FKBP6: variants seen among roughly 807,000 people sequenced by gnomAD.
FKBP6 encodes the protein FKBP prolyl isomerase family member 6 (inactive).
In FKBP6, 29 loss-of-function variants were observed where a neutral mutation model predicts 41.7. That is an observed-to-expected ratio of 0.70 (90% CI 0.52 to 0.95). FKBP6 has a LOEUF of 0.95. FKBP6 is among the 40% of genes least tolerant of loss of function. The pLI, the probability that FKBP6 is intolerant of heterozygous loss-of-function variation, is 0.00. For missense variants in FKBP6, 338 were observed against 408.7 expected (o/e 0.83, Z 1.49); for synonymous variants, 130 against 165.1 (o/e 0.79, Z 1.63).
intron 8 of FKBP6, among the ~76,000 whole-genome samples, chr7:73,356,632 CT>C (rs1805638923): frequency 2.0e-5 from 3 of 152,324 alleles, no homozygotes; most frequent in Admixed American, 2.0e-4. Context: ...AATTGTTTCT[CT>C]ATAACCAAAC....
intron 8 of FKBP6, 103 bp downstream of exon 8, chr7:73,343,002 G>A (rs545303059): frequency 9.7e-6 from 8 of 825,490 alleles, no homozygotes; most frequent in Admixed American, 7.2e-5. Flanking sequence ...GAGGGTGGAC[G>A]AGGGGTAGAC....
chr7:73,336,110 G>T (rs920462717), intron 5 of FKBP6, among the ~76,000 whole-genome samples: 13 of 152,102 alleles, frequency 8.5e-5, no homozygotes, highest in Admixed American at 7.2e-4. Context: ...CTGAATGTTT[G>T]TGTCTCCCCA....
In FKBP6 at chr7:73,328,179, C is replaced by G; in HGVS notation, c.-250C>G. On this transcript the variant is annotated 5_prime_UTR_variant, in exon 1 of 9. Coordinates refer to ENST00000252037, the MANE Select transcript of FKBP6 (RefSeq NM_003602.5). ...GTGTCCCATCATGTTTCGTGCGCTC[C>G]CATTACGGATCATACCTCGCACCTC... 6.5e-7 allele frequency: 1 copy of G among 1,542,244 alleles called. No individual in the cohort carries two copies.
intron 8 of FKBP6, among the ~76,000 whole-genome samples, chr7:73,349,123 A>T (rs2115946653): frequency 6.6e-6 from 1 of 152,156 alleles, no homozygotes; most frequent in African/African-American, 2.4e-5. Flanking sequence ...AAATTTAAAA[A>T]GGGTGGCCAG....
intron 8 of FKBP6, among the ~76,000 whole-genome samples, chr7:73,346,845 T>C (rs1402528432): frequency 6.6e-6 from 1 of 152,176 alleles, no homozygotes; most frequent in Non-Finnish European, 1.5e-5. Flanking sequence ...CCATAGTGCC[T>C]GAGGGGCTGA....
At chr7:73,331,906 C>A (rs1583798380) in intron 5 of FKBP6, 130 bp downstream of exon 5, 1 of 934,632 alleles carries the variant, frequency 1.1e-6, no homozygotes, top group African/African-American at 1.6e-5. Context: ...CTCTGTCGCC[C>A]AGGCTGGAGT....
intron 8 of FKBP6, among the ~76,000 whole-genome samples, chr7:73,348,339 A>G (rs1208992638): frequency 6.6e-6 from 1 of 152,172 alleles, no homozygotes; most frequent in African/African-American, 2.4e-5. Context: ...CATAACGAAT[A>G]ATACTAAGAT....
intron 8 of FKBP6, among the ~76,000 whole-genome samples, chr7:73,352,606 A>G (rs1805521626): frequency 6.6e-6 from 1 of 152,142 alleles, no homozygotes; most frequent in African/African-American, 2.4e-5. Flanking sequence ...CATACTTTTG[A>G]TGCTCCCCTA....
intron 4 of FKBP6, 123 bp downstream of exon 4, chr7:73,330,475 C>T (rs543648128): frequency 3.9e-6 from 3 of 769,290 alleles, no homozygotes; most frequent in South Asian, 2.9e-5. Context: ...CCCGCGGCTC[C>T]TGTGCGGTGG....
At chr7:73,335,082 C>T (rs1554548313) in intron 5 of FKBP6, among the ~76,000 whole-genome samples, 1 of 148,608 alleles carries the variant, frequency 6.7e-6, no homozygotes. Flanking sequence ...CTTTGCCTAG[C>T]TGCAAAGAAG....
chr7:73,357,553 C>T (rs1028456248), intron 8 of FKBP6, among the ~76,000 whole-genome samples: 2 of 148,356 alleles, frequency 1.3e-5, no homozygotes, highest in Admixed American at 6.7e-5. Context: ...AGCCAATGCG[C>T]CTGGCACCAC....
intron 8 of FKBP6, among the ~76,000 whole-genome samples, chr7:73,357,139 C>T (rs1179248525): frequency 6.6e-6 from 1 of 152,000 alleles, no homozygotes; most frequent in African/African-American, 2.4e-5. Context: ...AGAACAGTAG[C>T]GATGGGTGTG....
At chr7:73,330,110 C>T in intron 3 of FKBP6, 40 bp from the exon 4 acceptor site, 2 of 1,497,992 alleles carry the variant, frequency 1.3e-6, no homozygotes, top group Non-Finnish European at 1.9e-6. Flanking sequence ...GAGCAGGATA[C>T]TGAGCAAGCT....
intron 7 of FKBP6, 122 bp downstream of exon 7, chr7:73,341,504 C>T (rs1318388729): frequency 1.1e-5 from 8 of 750,690 alleles, no homozygotes; most frequent in African/African-American, 1.7e-5. Context: ...GAGGCCGCCC[C>T]CTCTACAGCT....
At chr7:73,356,550 G>A (rs912737093) in intron 8 of FKBP6, among the ~76,000 whole-genome samples, 1 of 152,168 alleles carries the variant, frequency 6.6e-6, no homozygotes, top group African/African-American at 2.4e-5. Flanking sequence ...CTCATTACTA[G>A]CATTAGCAGT....
chr7:73,336,991 T>C (rs951937909), intron 5 of FKBP6: 2 of 334,208 alleles, frequency 6.0e-6, no homozygotes, highest in African/African-American at 4.3e-5. Flanking sequence ...AACCAAGGAA[T>C]AACTGGGAAA....
At chr7:73,357,020 A>AT (rs1469914111) in intron 8 of FKBP6, among the ~76,000 whole-genome samples, 1 of 151,990 alleles carries the variant, frequency 6.6e-6, no homozygotes. Flanking sequence ...ACCTCAGGTG[A>AT]TCCCCCCCAG....
chr7:73,351,140 C>T (rs782421217), intron 8 of FKBP6, among the ~76,000 whole-genome samples: 1 of 152,082 alleles, frequency 6.6e-6, no homozygotes, highest in African/African-American at 2.4e-5. Context: ...AGTACAGTGG[C>T]GCGATCTCAG....
Position 73,329,367 on chromosome 7 carries a change from C to T in FKBP6, c.183C>T (p.Tyr61=), listed in dbSNP as rs1363013728. 6.9e-6 allele frequency: 11 copies of T among 1,593,936 alleles called. No homozygotes were observed. The highest frequency in any genetic ancestry group is 2.2e-5 in the East Asian group (1 of 44,838). The change falls in exon 3 of 9, where the codon TAC becomes TAT. Residue 61 remains tyrosine, a synonymous_variant. Transcript: ENST00000252037. The part of the protein sequence containing the change: ...VAPDASVLVK[Y]SGYLEHMDRP... ...TTCTTTCTTCTATCCTAGTGAAATA[C>T]TCGGGATACCTGGAACACATGGACA...
Sources: allele counts gnomAD v4.1 joint callset (sites outside exome capture counted in the v4.1 genomes callset), GRCh38; gene constraint gnomAD v4.1.1; transcripts MANE v1.5; gene names NCBI Gene and HGNC (gene_info 2026-07-23, HGNC 2026-07-21).